Variants in OSBPL6 observed in about 807,000 individuals in gnomAD.
OSBPL6 encodes oxysterol binding protein like 6.
Under a neutral mutation model 125.8 loss-of-function variants are expected in OSBPL6, and 49 were observed. The ratio of observed to expected loss-of-function variants is 0.39; its 90% CI spans 0.31 to 0.49. OSBPL6 has a LOEUF of 0.49. OSBPL6 is among the 20% of genes least tolerant of loss of function. The pLI, the probability that OSBPL6 is intolerant of heterozygous loss-of-function variation, is 0.88. For missense variants in OSBPL6, 986 were observed against 1,135.4 expected, an observed-to-expected ratio of 0.87 and a Z score of 1.89; for synonymous variants, 394 against 391.8, an observed-to-expected ratio of 1.01 and a Z score of -0.07.
chr2:178,195,324 C>T (rs1227083648), intron 1 of OSBPL6, among the ~76,000 whole-genome samples: 1 of 152,240 alleles, frequency 6.6e-6, no homozygotes, highest in Non-Finnish European at 1.5e-5. Context: ...GCCAAGTCTG[C>T]CTTCCCTGGT....
chr2:178,313,984 A>G (rs978445966), intron 3 of OSBPL6, among the ~76,000 whole-genome samples: 2 of 152,228 alleles, frequency 1.3e-5, no homozygotes, highest in African/African-American at 4.8e-5. Context: ...TCTATCCTTT[A>G]TGTGCAAAGT....
intron 2 of OSBPL6, among the ~76,000 whole-genome samples, chr2:178,285,386 T>A (rs1684601333): frequency 1.3e-5 from 2 of 152,188 alleles, no homozygotes; most frequent in African/African-American, 4.8e-5. Flanking sequence ...CATGTGGAAA[T>A]ATGATACTGC....
intron 20 of OSBPL6, among the ~76,000 whole-genome samples, 164 bp downstream of exon 20, chr2:178,387,303 A>T (rs1695029913): frequency 6.6e-6 from 1 of 152,228 alleles, no homozygotes; most frequent in Non-Finnish European, 1.5e-5. Context: ...ACAAATGAGA[A>T]CTTAAGCATA....
chr2:178,242,392 A>G (rs778085304), intron 1 of OSBPL6, among the ~76,000 whole-genome samples: 38 of 152,226 alleles, frequency 2.5e-4, no homozygotes, highest in Non-Finnish European at 4.1e-4. Context: ...CCCAATTCCC[A>G]CATCTCTCTT....
chr2:178,389,155 T>C lies in OSBPL6; in HGVS notation c.2301+2T>C. 1 of 1,613,022 alleles carries C rather than the reference T, an allele frequency of 6.2e-7. No homozygotes were observed. On this transcript the variant is annotated splice_donor_variant, in intron 21 of 24. Transcript: ENST00000190611. LOFTEE classifies it high-confidence loss of function. Reference sequence around the variant, plus strand: ...ATTTGCAAACTCACATTTGTCAAGGTAAATACTATCATACAACAGTAAAGG... The same window carrying C: ...ATTTGCAAACTCACATTTGTCAAGGCAAATACTATCATACAACAGTAAAGG...
In OSBPL6 at chr2:178,336,420, C is replaced by T; in HGVS notation, c.777C>T (p.Asp259=). The T allele has an allele frequency of 6.2e-7, 1 of 1,613,958 alleles. No homozygotes were observed. Among genetic ancestry groups the T allele is most frequent in the Non-Finnish European group, 8.5e-7 (1 of 1,179,940 alleles). ...GGTTACAGGACTCGGAAGAGATGGA[C>T]AGGTGTGCAGAAGGTTAGTTCTTGC... is the stretch of plus-strand genomic sequence containing the variant. ...AAWLQDSEEM[D]RCAEDLAHCQ... is the part of the protein sequence containing the mutation. The change falls in exon 9 of 25, where the codon GAC becomes GAT. Residue 259 remains aspartate, a synonymous_variant. Transcript: ENST00000190611.
chr2:178,225,805 A>G (rs578205923), intron 1 of OSBPL6, among the ~76,000 whole-genome samples: 2 of 152,336 alleles, frequency 1.3e-5, no homozygotes, highest in African/African-American at 4.8e-5. Flanking sequence ...TCATGATAAC[A>G]GCACAGGAAA....
chr2:178,337,857 G>A (rs180805307), intron 9 of OSBPL6, among the ~76,000 whole-genome samples: 1 of 152,152 alleles, frequency 6.6e-6, no homozygotes, highest in East Asian at 1.9e-4. Context: ...ACAAATATTA[G>A]GGAGTATGAA....
chr2:178,227,997 TTTAA>T lies in OSBPL6; in HGVS notation c.-351+33327_-351+33330del, dbSNP rs570671690. ...GTCTTATATCAAATATTATGTTTAA[TTTAA>T]TTATGTGCAATTGAGGTAGAATAAA... On this transcript the variant is annotated intron_variant, in intron 1 of 24. Transcript: ENST00000190611. 1.1e-3 allele frequency among the ~76,000 whole-genome samples: 167 copies of T among 152,194 alleles called. 3 individuals are homozygous for T. In the South Asian group the frequency reaches 0.034, roughly 31 times the overall value.
chr2:178,360,020 G>A (rs1313164216), intron 12 of OSBPL6, among the ~76,000 whole-genome samples: 1 of 152,164 alleles, frequency 6.6e-6, no homozygotes, highest in East Asian at 1.9e-4. Context: ...ACAGGAGGCG[G>A]AAGTTGTAAT....
At position 178,300,703 on chromosome 2, in the gene OSBPL6, CT is replaced by C. The variant is rs1686197536; in HGVS notation, c.-155-5326del. Among the ~76,000 whole-genome samples the C allele has an allele frequency of 1.3e-5, 2 of 152,144 alleles. 1 individual carries two copies. Among genetic ancestry groups the C allele is most frequent in the African/African-American group, 4.8e-5 (2 of 41,456 alleles). Reference sequence around the variant, plus strand: ...CTTGAACTACTGGCCTCAAGTGATCCTACTTATCCTCCCAAATGCTGGGATT... The same window carrying C: ...CTTGAACTACTGGCCTCAAGTGATCCACTTATCCTCCCAAATGCTGGGATT... On this transcript the variant is annotated intron_variant, in intron 2 of 24. Coordinates refer to ENST00000190611, the MANE Select transcript of OSBPL6 (RefSeq NM_032523.4).
intron 1 of OSBPL6, among the ~76,000 whole-genome samples, chr2:178,245,901 G>A (rs901285771): frequency 3.3e-5 from 5 of 152,140 alleles, no homozygotes; most frequent in South Asian, 2.1e-4. Context: ...ATAGGAATTC[G>A]GGGAAGGGAA....
At chr2:178,196,353 A>T (rs756007998) in intron 1 of OSBPL6, among the ~76,000 whole-genome samples, 2 of 152,184 alleles carry the variant, frequency 1.3e-5, no homozygotes, top group Non-Finnish European at 2.9e-5. Context: ...TTTGAAATTA[A>T]AATTTCAGGC....
intron 2 of OSBPL6, among the ~76,000 whole-genome samples, chr2:178,288,710 G>A (rs1223001412): frequency 4.0e-5 from 6 of 151,338 alleles, no homozygotes; most frequent in South Asian, 2.1e-4. Flanking sequence ...ATGCAGTGGC[G>A]CGATCTCAGC....
chr2:178,324,232 G>A lies in OSBPL6; in HGVS notation c.158G>A (p.Arg53Gln), dbSNP rs35032920. The A allele has an allele frequency of 0.047, 74,521 of 1,580,420 alleles. 2,597 individuals are homozygous for A. Among genetic ancestry groups the A allele is most frequent in the South Asian group, 0.15 (13,131 of 86,840 alleles). The change falls in exon 4 of 25, where the codon CGG (arginine) becomes CAG (glutamine). Residue 53 changes from arginine (R) to glutamine (Q), a missense_variant. Physicochemically the swap from Arg to Gln is conservative, Grantham distance 43 (BLOSUM62 1). Around this residue, in one of 3 missense-constraint regions of OSBPL6, gnomAD observed 130 missense variants for 106.4 expected, o/e 1.22. Transcript: ENST00000190611. ...TCTAGCACCGAGCCCTCTGTAAGTC[G>A]GCAATTGCTAGAACCGGAGCCAGTC... The part of the protein sequence containing the change: ...ASSSTEPSVS[R>Q]QLLEPEPVPL...
chr2:178,344,469 A>G (rs542836769), intron 11 of OSBPL6: 2 of 1,036,884 alleles, frequency 1.9e-6, no homozygotes, highest in African/African-American at 1.6e-5. Flanking sequence ...CATCACCTGT[A>G]GCCCAATCAT....
At chr2:178,332,559 T>A (rs1390872245) in intron 6 of OSBPL6, 82 bp from the exon 7 acceptor site, 5 of 976,318 alleles carry the variant, frequency 5.1e-6, no homozygotes, top group Non-Finnish European at 4.8e-6. Context: ...AAGTTAAAGA[T>A]TACTTTGAGT....
chr2:178,380,095 A>G (rs1694322749), intron 15 of OSBPL6, among the ~76,000 whole-genome samples: 1 of 152,190 alleles, frequency 6.6e-6, no homozygotes, highest in African/African-American at 2.4e-5. Flanking sequence ...CTATATGTCA[A>G]ACTGAAAAAT....
At chr2:178,382,380 A>G in intron 15 of OSBPL6, 40 bp from the exon 16 acceptor site, 1 of 1,546,904 alleles carries the variant, frequency 6.5e-7, no homozygotes, top group South Asian at 1.3e-5. Flanking sequence ...TGCAAAACTG[A>G]ACAAGAATTC....
Sources: allele counts gnomAD v4.1 joint callset (sites outside exome capture counted in the v4.1 genomes callset), GRCh38; gene constraint gnomAD v4.1.1; regional missense constraint gnomAD v4.1.1; transcripts MANE v1.5; gene names NCBI Gene and HGNC (gene_info 2026-07-23, HGNC 2026-07-21).